ASXL2: variants seen among roughly 807,000 people sequenced by gnomAD.
The protein encoded by ASXL2 is putative Polycomb group protein ASXL2.
ASXL2 carries 23 observed loss-of-function variants against 122.0 expected under a neutral mutation model. The ratio of observed to expected loss-of-function variants is 0.19; its 90% CI spans 0.14 to 0.27. The LOEUF (loss-of-function observed/expected upper bound fraction) is 0.27, where lower values mean the gene tolerates loss of function less well. Among genes scored for constraint, ASXL2 ranks in the 10% least tolerant of loss-of-function variants. The probability of loss-of-function intolerance (pLI) is 1.00; values close to 1 mark genes in which losing one functional copy is unlikely to be tolerated. For missense variants in ASXL2, 1,518 were observed against 1,713.8 expected, an observed-to-expected ratio of 0.89 and a Z score of 2.02; for synonymous variants, 650 against 637.0, an observed-to-expected ratio of 1.02 and a Z score of -0.31.
chr2:25,754,810 G>T (rs567141788), intron 10 of ASXL2, among the ~76,000 whole-genome samples: 4 of 151,866 alleles, frequency 2.6e-5, no homozygotes, highest in South Asian at 4.2e-4. Flanking sequence ...GGTAGAACTG[G>T]TATGTTTTAA....
Position 25,845,506 on chromosome 2 carries a change from G to C in ASXL2, c.115C>G (p.Gln39Glu). ...CTGATTTCTTTTAGTCCTTCTCTCT[G>C]GATAACTTGAAGAATTTCTTTATGA... ...MSHKEILQVI[Q>E]REGLKEIRSG... The change falls in exon 2 of 13, where the codon CAG (glutamine) becomes GAG (glutamate). Residue 39 changes from glutamine (Q) to glutamate (E), a missense_variant. Around this residue, in one of 8 missense-constraint regions of ASXL2, gnomAD observed 12 missense variants for 60.0 expected, o/e 0.20. Coordinates refer to ENST00000435504, the MANE Select transcript of ASXL2 (RefSeq NM_018263.6). The C allele has an allele frequency of 6.7e-7, 1 of 1,501,130 alleles. No homozygotes were observed. The highest frequency in any genetic ancestry group is 1.4e-5 in the South Asian group (1 of 72,592). The allele number at this position is 1,501,130 out of a possible 1,614,324, so 93.0% of individuals were successfully genotyped here.
chr2:25,855,437 G>A (rs768964623), intron 1 of ASXL2, among the ~76,000 whole-genome samples: 14 of 152,160 alleles, frequency 9.2e-5, no homozygotes, highest in Non-Finnish European at 1.8e-4. Flanking sequence ...GGAAGGCCAA[G>A]GCGGGCAGAT....
At position 25,734,321 on chromosome 2, in the gene ASXL2, T is replaced by G. The variant is rs2087698306; in HGVS notation, c.*7708A>C. On this transcript the variant is annotated 3_prime_UTR_variant, in exon 13 of 13. Transcript: ENST00000435504. ...CTGGAAGCATCTGATTAACTTAAAA[T>G]GTGTGCAAAGTGATTATATGTAGGT... is the stretch of plus-strand genomic sequence containing the variant. 6.6e-6 allele frequency: 1 copy of G among 152,140 alleles called. No homozygotes were observed. The highest frequency in any genetic ancestry group is 2.4e-5 in the African/African-American group (1 of 41,430). 9.4% of individuals were successfully genotyped at this position (152,140 alleles called of 1,614,324 possible). A position where few individuals can be genotyped will look rare whatever the true frequency, so the allele number is the denominator to read the frequency against.
At chr2:25,783,777 C>T (rs1385643037) in intron 5 of ASXL2, among the ~76,000 whole-genome samples, 1 of 151,666 alleles carries the variant, frequency 6.6e-6, no homozygotes, top group Non-Finnish European at 1.5e-5. Flanking sequence ...AATACATGGC[C>T]GGGTGCGGTG....
intron 3 of ASXL2, among the ~76,000 whole-genome samples, chr2:25,831,661 A>G (rs942719516): frequency 1.3e-5 from 2 of 152,236 alleles, no homozygotes; most frequent in Non-Finnish European, 2.9e-5. Context: ...CTCAAAAAAC[A>G]AAAAACCTGA....
At chr2:25,863,472 C>G (rs1315947364) in intron 1 of ASXL2, among the ~76,000 whole-genome samples, 1 of 151,734 alleles carries the variant, frequency 6.6e-6, no homozygotes, top group Non-Finnish European at 1.5e-5. Context: ...GCGGGTAGAT[C>G]ATGAGGTCAG....
chr2:25,864,142 T>G (rs1433239594), intron 1 of ASXL2, among the ~76,000 whole-genome samples: 1 of 151,878 alleles, frequency 6.6e-6, no homozygotes, highest in Non-Finnish European at 1.5e-5. Flanking sequence ...CATGAACCAC[T>G]CGTTAACGGT....
At chr2:25,798,945 T>C (rs2088952062) in intron 5 of ASXL2, among the ~76,000 whole-genome samples, 2 of 152,100 alleles carry the variant, frequency 1.3e-5, no homozygotes, top group Non-Finnish European at 2.9e-5. Context: ...ACGTAAACCA[T>C]GGACTCTGGG....
intron 5 of ASXL2, among the ~76,000 whole-genome samples, chr2:25,779,153 G>T (rs1280691627): frequency 7.2e-6 from 1 of 139,312 alleles, no homozygotes; most frequent in Non-Finnish European, 1.5e-5. Flanking sequence ...GCAGTGGTGC[G>T]ATCTTGGCTC....
At chr2:25,768,455 C>G (rs1177518746) in intron 7 of ASXL2, among the ~76,000 whole-genome samples, 1 of 152,132 alleles carries the variant, frequency 6.6e-6, no homozygotes, top group Non-Finnish European at 1.5e-5. Flanking sequence ...AGGTGTGCCC[C>G]ACCACACCCG....
At chr2:25,768,438 G>A (rs928403262) in intron 7 of ASXL2, among the ~76,000 whole-genome samples, 38 of 152,074 alleles carry the variant, frequency 2.5e-4, no homozygotes, top group Non-Finnish European at 8.8e-5. Flanking sequence ...CGAGTAGCTG[G>A]GGCTACAGGT....
At chr2:25,773,139 C>T (rs1236637621) in intron 5 of ASXL2, among the ~76,000 whole-genome samples, 5 of 150,374 alleles carry the variant, frequency 3.3e-5, no homozygotes, top group Admixed American at 6.6e-5. Flanking sequence ...ACCCTGGAGG[C>T]GGAGGTTGCA....
At chr2:25,753,328 A>G (rs35914997) in intron 11 of ASXL2, among the ~76,000 whole-genome samples, 2,971 of 151,948 alleles carry the variant, frequency 0.02, 50 homozygotes, top group South Asian at 0.058. Flanking sequence ...AAGTATGATG[A>G]GTAATCTAAT....
At position 25,734,551 on chromosome 2, in the gene ASXL2, T is replaced by C. The variant is rs565008502; in HGVS notation, c.*7478A>G. 3.3e-5 allele frequency: 5 copies of C among 152,366 alleles called. No individual in the cohort carries two copies. The East Asian group carries it at 9.6e-4, about 29-fold the overall frequency. The allele number at this position is 152,366 out of a possible 1,614,324, so 9.4% of individuals were successfully genotyped here. On this transcript the variant is annotated 3_prime_UTR_variant, in exon 13 of 13. Coordinates refer to ENST00000435504, the MANE Select transcript of ASXL2 (RefSeq NM_018263.6). ...TTCCATAGGAAAGACATAAGCTTTG[T>C]GTAAAATAGTTCTAAAGTATCTTCA...
chr2:25,771,314 T>C (rs1241300887), intron 6 of ASXL2, 126 bp downstream of exon 6: 2 of 723,260 alleles, frequency 2.8e-6, no homozygotes, highest in East Asian at 2.9e-5. Flanking sequence ...ATTGGGCTAC[T>C]GCATGAAAGT....
intron 3 of ASXL2, among the ~76,000 whole-genome samples, chr2:25,815,952 C>T: frequency 6.6e-6 from 1 of 152,088 alleles, no homozygotes; most frequent in Admixed American, 6.5e-5. Flanking sequence ...ACAGGTAAAC[C>T]ACTCTCTTCT....
At chr2:25,827,821 G>A (rs991221601) in intron 3 of ASXL2, among the ~76,000 whole-genome samples, 4 of 152,110 alleles carry the variant, frequency 2.6e-5, no homozygotes, top group African/African-American at 7.2e-5. Context: ...CAGCAGATGG[G>A]CACAGAACAA....
intron 3 of ASXL2, chr2:25,809,979 C>A (rs1323664407): frequency 1.9e-5 from 10 of 529,046 alleles, no homozygotes; most frequent in Non-Finnish European, 3.4e-5. Flanking sequence ...GTACAGAGTG[C>A]CCCTCTTTGG....
intron 1 of ASXL2, among the ~76,000 whole-genome samples, chr2:25,850,542 T>C (rs1175809375): frequency 6.6e-6 from 1 of 152,200 alleles, no homozygotes; most frequent in African/African-American, 2.4e-5. Flanking sequence ...GAAAACTTCA[T>C]AGGCTTATGG....
Sources: allele counts gnomAD v4.1 joint callset (sites outside exome capture counted in the v4.1 genomes callset), GRCh38; gene constraint gnomAD v4.1.1; regional missense constraint gnomAD v4.1.1; transcripts MANE v1.5; gene names NCBI Gene and HGNC (gene_info 2026-07-23, HGNC 2026-07-21).